GNAI3: variants seen among roughly 807,000 people sequenced by gnomAD.
The protein encoded by GNAI3 is G protein subunit alpha i3.
GNAI3 carries 12 observed loss-of-function variants against 41.8 expected under a neutral mutation model. The observed-to-expected ratio is 0.29, with a 90% CI of 0.18 to 0.47. The LOEUF is 0.47. GNAI3 is among the 20% of genes least tolerant of loss of function. The pLI, the probability that GNAI3 is intolerant of heterozygous loss-of-function variation, is 1.00. For synonymous variants in GNAI3, 132 were observed against 146.5 expected, an observed-to-expected ratio of 0.90 and a Z score of 0.71; for missense variants, 360 against 429.6, an observed-to-expected ratio of 0.84 and a Z score of 1.43.
At chr1:109,548,945 G>A (rs755619990) in intron 1 of GNAI3, 107 bp downstream of exon 1, 2 of 721,616 alleles carry the variant, frequency 2.8e-6, no homozygotes, top group Admixed American at 2.5e-5. Context: ...AAAGGGATCT[G>A]GAGGGCGTGC....
At chr1:109,591,983 CT>C in intron 7 of GNAI3, 59 bp from the exon 8 acceptor site, 1 of 1,025,912 alleles carries the variant, frequency 9.7e-7, no homozygotes, top group Non-Finnish European at 1.5e-6. Flanking sequence ...AATGGTCTGA[CT>C]TAGTTGAGTT....
intron 7 of GNAI3, among the ~76,000 whole-genome samples, chr1:109,588,102 T>C (rs185228449): frequency 1.3e-5 from 2 of 152,322 alleles, no homozygotes; most frequent in Admixed American, 6.5e-5. Flanking sequence ...CAGACTAGGC[T>C]GGGCGCGGTG....
chr1:109,586,439 C>A, intron 6 of GNAI3, 94 bp downstream of exon 6: 1 of 1,250,588 alleles, frequency 8.0e-7, no homozygotes, highest in Non-Finnish European at 1.1e-6. Context: ...TTTCCTCATT[C>A]AACCAAAACT....
Position 109,594,598 on chromosome 1 carries a change from C to T in GNAI3, c.*2276C>T, listed in dbSNP as rs562165696. ...TTTAATATGACTTAAGTAAAAATCA[C>T]TTGGACCCATCTAAGGGATTGACTT... On this transcript the variant is annotated 3_prime_UTR_variant, in exon 9 of 9. Transcript: ENST00000369851. The T allele has an allele frequency of 1.3e-5, 2 of 151,054 alleles. No homozygotes were observed. The highest frequency in any genetic ancestry group is 4.2e-4 in the South Asian group (2 of 4,810). The allele number at this position is 151,054 out of a possible 1,614,324, so 9.4% of individuals were successfully genotyped here.
intron 1 of GNAI3, among the ~76,000 whole-genome samples, chr1:109,560,450 C>T (rs921802448): frequency 5.3e-5 from 8 of 152,066 alleles, no homozygotes; most frequent in Admixed American, 2.0e-4. Context: ...TTGCCGTGAT[C>T]AAAACATGCA....
intron 1 of GNAI3, among the ~76,000 whole-genome samples, chr1:109,567,326 AGAG>A (rs1452867636): frequency 2.0e-5 from 3 of 152,204 alleles, no homozygotes; most frequent in Non-Finnish European, 2.9e-5. Flanking sequence ...TTTAAAAGGA[AGAG>A]GAGATGTTTC....
At chr1:109,592,002 C>T in intron 7 of GNAI3, 41 bp from the exon 8 acceptor site, 1 of 1,331,034 alleles carries the variant, frequency 7.5e-7, no homozygotes, top group Non-Finnish European at 1.1e-6. Context: ...GTTCAGGCAG[C>T]TGTTACAATT....
rs1436393991 is a variant in GNAI3 at position 109,597,227 on chromosome 1, C to A, written c.*4905C>A. ...CTGTAATCCCAGCACTTTGGGAGGC[C>A]GAGGTAAGCAGATCACTTGAGGTCA... On this transcript the variant is annotated 3_prime_UTR_variant, in exon 9 of 9. Coordinates refer to ENST00000369851, the MANE Select transcript of GNAI3 (RefSeq NM_006496.4). The A allele has an allele frequency of 6.6e-6, 1 of 152,046 alleles. No homozygotes were observed. Among genetic ancestry groups the A allele is most frequent in the Non-Finnish European group, 1.5e-5 (1 of 68,034 alleles). The allele number at this position is 152,046 out of a possible 1,614,324, so 9.4% of individuals were successfully genotyped here.
chr1:109,581,794 C>T (rs1648894576), intron 4 of GNAI3, among the ~76,000 whole-genome samples: 2 of 151,912 alleles, frequency 1.3e-5, no homozygotes, highest in Non-Finnish European at 2.9e-5. Context: ...GAGGCTGAGG[C>T]AGGAGAATCA....
chr1:109,570,157 T>G (rs1320454881), intron 1 of GNAI3, among the ~76,000 whole-genome samples: 1 of 152,220 alleles, frequency 6.6e-6, no homozygotes, highest in Non-Finnish European at 1.5e-5. Flanking sequence ...AAAGTCACTA[T>G]GTGCTATTTG....
intron 1 of GNAI3, among the ~76,000 whole-genome samples, chr1:109,569,425 A>G (rs1648535979): frequency 1.3e-5 from 2 of 152,188 alleles, no homozygotes; most frequent in Non-Finnish European, 1.5e-5. Context: ...TACATTTTTG[A>G]AAAAAGATAG....
chr1:109,565,680 CG>C, intron 1 of GNAI3, among the ~76,000 whole-genome samples: 1 of 152,072 alleles, frequency 6.6e-6, no homozygotes. Flanking sequence ...TCTAGATTGG[CG>C]GGGGGTGCAC....
At chr1:109,584,510 A>G (rs1271903071) in intron 5 of GNAI3, among the ~76,000 whole-genome samples, 4 of 152,224 alleles carry the variant, frequency 2.6e-5, no homozygotes, top group African/African-American at 9.6e-5. Context: ...CTGTCTTTTT[A>G]TGCCATGATC....
At chr1:109,588,492 G>A (rs556273964) in intron 7 of GNAI3, among the ~76,000 whole-genome samples, 213 of 152,292 alleles carry the variant, frequency 1.4e-3, no homozygotes, top group African/African-American at 5.0e-3. Context: ...TGAGGTCAGG[G>A]GCACAAATGT....
chr1:109,564,763 G>A (rs1354175367), intron 1 of GNAI3, among the ~76,000 whole-genome samples: 6 of 152,204 alleles, frequency 3.9e-5, no homozygotes, highest in Non-Finnish European at 7.3e-5. Context: ...CTGAGGTAGC[G>A]AAGTAGGGAT....
Position 109,548,689 on chromosome 1 carries a change from T to G in GNAI3, c.-32T>G. 1 of 1,482,740 alleles carries G rather than the reference T, an allele frequency of 6.7e-7. No individual in the cohort carries two copies. Among genetic ancestry groups the G allele is most frequent in the Non-Finnish European group, 9.4e-7 (1 of 1,062,692 alleles). The allele number at this position is 1,482,740 out of a possible 1,614,324, so 91.8% of individuals were successfully genotyped here. On this transcript the variant is annotated 5_prime_UTR_variant, in exon 1 of 9. Transcript: ENST00000369851. The stretch of plus-strand genomic sequence containing the variant: ...CCGCAGTTTCCGTGGTGTGAGTGAG[T>G]CCGGGCCCGTGTCCCCTCTCCCGCC...
At chr1:109,588,019 A>T (rs12033376) in intron 7 of GNAI3, among the ~76,000 whole-genome samples, 42,461 of 152,012 alleles carry the variant, frequency 0.28, 7,161 homozygotes, top group African/African-American at 0.47. Flanking sequence ...TTTCTTTCCT[A>T]ACCAGCTTTC....
chr1:109,556,057 T>C (rs574504298), intron 1 of GNAI3, among the ~76,000 whole-genome samples: 8 of 139,546 alleles, frequency 5.7e-5, no homozygotes, highest in Admixed American at 5.4e-4. Flanking sequence ...TTTTTTTTTT[T>C]GTTGAGTCTT....
intron 7 of GNAI3, among the ~76,000 whole-genome samples, chr1:109,588,833 C>T (rs1364259799): frequency 1.3e-5 from 2 of 152,086 alleles, no homozygotes; most frequent in African/African-American, 2.4e-5. Context: ...GCGGAGGTTG[C>T]GGTGAGCCGA....
Sources: gnomAD v4.1 joint callset for allele counts (sites outside exome capture counted in the v4.1 genomes callset) on GRCh38, gnomAD v4.1.1 for gene constraint, MANE v1.5 for transcripts, NCBI Gene and HGNC (gene_info 2026-07-23, HGNC 2026-07-21) for gene names.